The following EPHA5 variants were observed in gnomAD, a reference collection of about 807,000 sequenced individuals.
EPHA5 encodes ephrin type-A receptor 5.
EPHA5 carries 60 observed loss-of-function variants against 105.0 expected under a neutral mutation model. The observed-to-expected ratio is 0.57, with a 90% CI of 0.46 to 0.71. EPHA5 has a LOEUF of 0.71. Ranked by LOEUF, EPHA5 falls within the 30% of genes least tolerant of loss-of-function variation. The pLI is 0.00. For missense variants in EPHA5, 1,218 were observed against 1,274.7 expected (o/e 0.96, Z 0.68); for synonymous variants, 513 against 449.1 (o/e 1.14, Z -1.80).
intron 14 of EPHA5, among the ~76,000 whole-genome samples, chr4:65,338,339 G>A (rs939252969): frequency 1.3e-5 from 2 of 151,978 alleles, no homozygotes; most frequent in African/African-American, 4.8e-5. Flanking sequence ...TAATATAAAT[G>A]GCTTAAGTCA....
intron 8 of EPHA5, among the ~76,000 whole-genome samples, chr4:65,397,408 C>T (rs1367942273): frequency 6.6e-6 from 1 of 152,060 alleles, no homozygotes; most frequent in African/African-American, 2.4e-5. Context: ...ACTGTTCTCA[C>T]CTTTGTTCTG....
chr4:65,546,977 T>G (rs1431337273), intron 3 of EPHA5, among the ~76,000 whole-genome samples: 1 of 152,006 alleles, frequency 6.6e-6, no homozygotes, highest in African/African-American at 2.4e-5. Context: ...GAATAATCAT[T>G]CGTAAGTCCA....
At chr4:65,634,963 A>G (rs1354196999) in intron 2 of EPHA5, among the ~76,000 whole-genome samples, 2 of 152,094 alleles carry the variant, frequency 1.3e-5, no homozygotes, top group African/African-American at 4.8e-5. Flanking sequence ...ACAAGAAATT[A>G]TACACAAAAC....
chr4:65,445,448 CT>C (rs1250659896), intron 5 of EPHA5, among the ~76,000 whole-genome samples: 1 of 152,086 alleles, frequency 6.6e-6, no homozygotes, highest in East Asian at 1.9e-4. Flanking sequence ...AGCTGGAAGC[CT>C]TCAAATATTG....
chr4:65,409,344 A>AC lies in EPHA5; in HGVS notation c.1688-4866_1688-4865insG, dbSNP rs1375399319. Among the ~76,000 whole-genome samples the AC allele has an allele frequency of 2.3e-5, 3 of 131,528 alleles. No individual in the cohort carries two copies. In the East Asian group the frequency reaches 6.5e-4, roughly 29 times the overall value. 86.3% of individuals were successfully genotyped at this position (131,528 alleles called of 152,430 possible). A position where few individuals can be genotyped will look rare whatever the true frequency, so the allele number is the denominator to read the frequency against. ...ACCCTAAAACTTAAGGTATAATAAT[A>AC]AAAAATAAATAAATAAATAAATAAA... On this transcript the variant is annotated intron_variant, in intron 7 of 16. Coordinates refer to ENST00000613740, the MANE Select transcript of EPHA5 (RefSeq NM_001281766.3).
chr4:65,382,906 G>T (rs62314068), intron 8 of EPHA5, among the ~76,000 whole-genome samples: 30,407 of 151,282 alleles, frequency 0.2, 3,788 homozygotes, highest in Non-Finnish European at 0.29. Context: ...CAAGGGAAAG[G>T]CTTGTAATTA....
chr4:65,328,029 T>C lies in EPHA5; in HGVS notation c.2946-3810A>G, dbSNP rs551211448. Among the ~76,000 whole-genome samples, 12 of 151,288 alleles carry C rather than the reference T, an allele frequency of 7.9e-5. 1 individual carries two copies. The South Asian group carries it at 2.5e-3, about 31-fold the overall frequency. Reference sequence around the variant, plus strand: ...TGGTACAAGGTATGCATTTTTTAATTTCATTTTTCTAAGTAGAAAATTTTA... The same window carrying C: ...TGGTACAAGGTATGCATTTTTTAATCTCATTTTTCTAAGTAGAAAATTTTA... On this transcript the variant is annotated intron_variant, in intron 16 of 16. Transcript: ENST00000613740.
At chr4:65,389,432 T>C (rs1006253592) in intron 8 of EPHA5, among the ~76,000 whole-genome samples, 3 of 152,076 alleles carry the variant, frequency 2.0e-5, no homozygotes, top group Admixed American at 6.6e-5. Flanking sequence ...GATTATCTTT[T>C]ACATTGTATG....
chr4:65,459,629 A>T (rs1727939693), intron 5 of EPHA5, among the ~76,000 whole-genome samples: 1 of 151,806 alleles, frequency 6.6e-6, no homozygotes, highest in Admixed American at 6.6e-5. Context: ...TGAAACTCAT[A>T]CCAAGAACAT....
At chr4:65,449,650 A>G (rs573093676) in intron 5 of EPHA5, among the ~76,000 whole-genome samples, 2 of 152,256 alleles carry the variant, frequency 1.3e-5, no homozygotes, top group Admixed American at 6.5e-5. Flanking sequence ...GAAGTCCCCA[A>G]TCCCATTACT....
rs1157609281 is a variant in EPHA5 at position 65,404,615 on chromosome 4, C to T, written c.1688-136G>A. The T allele has an allele frequency of 4.6e-6, 3 of 657,794 alleles. No individual in the cohort carries two copies. In the South Asian group the frequency reaches 5.9e-5, roughly 13 times the overall value. The allele number at this position is 657,794 out of a possible 1,614,324, so 40.7% of individuals were successfully genotyped here. On this transcript the variant is annotated intron_variant, in intron 7 of 16. Transcript: ENST00000613740. ...ACTTAGCTGAAATTTCCCCTAATAT[C>T]CTTTCTTAAAAGTGTGTAATTGAAA...
chr4:65,605,801 C>A (rs1287476583), intron 2 of EPHA5, among the ~76,000 whole-genome samples: 8 of 151,954 alleles, frequency 5.3e-5, no homozygotes, highest in Non-Finnish European at 1.0e-4. Flanking sequence ...CTTATAATAT[C>A]TAGATATATA....
At chr4:65,368,157 T>C (rs1718105941) in intron 8 of EPHA5, among the ~76,000 whole-genome samples, 1 of 152,134 alleles carries the variant, frequency 6.6e-6, no homozygotes, top group African/African-American at 2.4e-5. Flanking sequence ...TTTCTGATGC[T>C]TTTTGCTCTT....
intron 5 of EPHA5, among the ~76,000 whole-genome samples, chr4:65,465,908 A>C (rs528017344): frequency 3.3e-5 from 5 of 152,378 alleles, no homozygotes; most frequent in African/African-American, 1.2e-4. Flanking sequence ...CTGTGTGTAC[A>C]CACAATTCTT....
At chr4:65,546,195 G>T (rs1196149340) in intron 3 of EPHA5, among the ~76,000 whole-genome samples, 1 of 152,000 alleles carries the variant, frequency 6.6e-6, no homozygotes. Flanking sequence ...GTAAGGCAGT[G>T]AGAGTCTGGC....
intron 15 of EPHA5, 84 bp downstream of exon 15, chr4:65,335,848 G>T: frequency 2.2e-6 from 3 of 1,373,610 alleles, no homozygotes; most frequent in South Asian, 2.8e-5. Flanking sequence ...ATGTCTATAC[G>T]AGAATGATTT....
chr4:65,646,731 T>A (rs1748141962), intron 1 of EPHA5, among the ~76,000 whole-genome samples: 2 of 152,168 alleles, frequency 1.3e-5, no homozygotes, highest in African/African-American at 4.8e-5. Context: ...AAGTAGAAAT[T>A]TAACAGAAGT....
At chr4:65,535,359 T>G (rs1156954480) in intron 3 of EPHA5, among the ~76,000 whole-genome samples, 1 of 151,980 alleles carries the variant, frequency 6.6e-6, no homozygotes, top group Non-Finnish European at 1.5e-5. Flanking sequence ...AGCAGCAAAG[T>G]GAAAGGTATT....
chr4:65,582,021 T>G (rs1397933102), intron 3 of EPHA5, among the ~76,000 whole-genome samples: 11 of 151,734 alleles, frequency 7.2e-5, no homozygotes, highest in African/African-American at 2.7e-4. Context: ...GTTTGCTTGT[T>G]TTGCTGTAGA....
Sources: gnomAD v4.1 joint callset for allele counts (sites outside exome capture counted in the v4.1 genomes callset) on GRCh38, gnomAD v4.1.1 for gene constraint, MANE v1.5 for transcripts, NCBI Gene and HGNC (gene_info 2026-07-23, HGNC 2026-07-21) for gene names.